The following MAP3K5 variants were observed in gnomAD, a reference collection of about 807,000 sequenced individuals.
MAP3K5 encodes the protein ASK-1.
In MAP3K5, 56 loss-of-function variants were observed where a neutral mutation model predicts 158.7. The ratio of observed to expected loss-of-function variants is 0.35; its 90% confidence interval spans 0.28 to 0.44. The LOEUF (loss-of-function observed/expected upper bound fraction) is 0.44, where lower values mean the gene tolerates loss of function less well. MAP3K5 is among the 20% of genes least tolerant of loss of function. The probability of loss-of-function intolerance (pLI) is 1.00; values close to 1 mark genes in which losing one functional copy is unlikely to be tolerated. For synonymous variants in MAP3K5, 579 were observed against 601.7 expected, an observed-to-expected ratio of 0.96 and a Z score of 0.55; for missense variants, 1,294 against 1,674.8, an observed-to-expected ratio of 0.77 and a Z score of 3.97.
In MAP3K5 at chr6:136,669,414, G is replaced by A. The variant is rs1779371078; in HGVS notation, c.1254-19C>T. The A allele has an allele frequency of 2.1e-6, 3 of 1,401,652 alleles. No individual in the cohort carries two copies. Among genetic ancestry groups the A allele is most frequent in the African/African-American group, 2.8e-5 (2 of 70,630 alleles). The allele number at this position is 1,401,652 out of a possible 1,614,324, so 86.8% of individuals were successfully genotyped here. A position where few individuals can be genotyped will look rare whatever the true frequency, so the allele number is the denominator to read the frequency against. ...TTTGAACCTATAAAAAACCACAAAT[G>A]TACAAGTTAACTTTCTCAATCATGA... On this transcript the variant is annotated intron_variant, in intron 7 of 29. Transcript: ENST00000359015.
intron 2 of MAP3K5, among the ~76,000 whole-genome samples, chr6:136,707,222 C>A (rs945313035): frequency 6.6e-6 from 1 of 152,186 alleles, no homozygotes; most frequent in African/African-American, 2.4e-5. Flanking sequence ...GGGACATGTA[C>A]ACATTTAATA....
At chr6:136,567,004 C>A (rs1774141947) in intron 26 of MAP3K5, among the ~76,000 whole-genome samples, 1 of 152,120 alleles carries the variant, frequency 6.6e-6, no homozygotes, top group Non-Finnish European at 1.5e-5. Flanking sequence ...AGCTATAAAT[C>A]ATAAAAATTC....
intron 7 of MAP3K5, among the ~76,000 whole-genome samples, chr6:136,692,235 C>T (rs565982415): frequency 1.9e-4 from 29 of 152,198 alleles, no homozygotes; most frequent in Middle Eastern, 3.4e-3. Context: ...GTGTATTAGA[C>T]ATTTTGGATG....
At chr6:136,775,811 G>T (rs1033498951) in intron 1 of MAP3K5, among the ~76,000 whole-genome samples, 4 of 152,164 alleles carry the variant, frequency 2.6e-5, no homozygotes, top group Non-Finnish European at 4.4e-5. Flanking sequence ...GTCACAACAC[G>T]GTGGCAACAG....
chr6:136,701,688 T>C (rs1432177451), intron 3 of MAP3K5, among the ~76,000 whole-genome samples: 1 of 152,156 alleles, frequency 6.6e-6, no homozygotes, highest in African/African-American at 2.4e-5. Flanking sequence ...ACTATGAGAA[T>C]TGTTCTAAAA....
At chr6:136,777,549 A>T (rs1422207508) in intron 1 of MAP3K5, among the ~76,000 whole-genome samples, 2 of 152,232 alleles carry the variant, frequency 1.3e-5, no homozygotes, top group Non-Finnish European at 2.9e-5. Flanking sequence ...GTCATGGAAG[A>T]ACTAACGCAC....
In MAP3K5 at chr6:136,557,174, A is replaced by G. The variant is rs549123381; in HGVS notation, c.*584T>C. ...TCAGTAGTACATAAACGACTCAAAC[A>G]AATGTACGACAGGTCAGAAACTTAA... On this transcript the variant is annotated 3_prime_UTR_variant, in exon 30 of 30. Coordinates refer to ENST00000359015, the MANE Select transcript of MAP3K5 (RefSeq NM_005923.4). 6.5e-6 allele frequency: 1 copy of G among 153,402 alleles called. No homozygotes were observed. The highest frequency in any genetic ancestry group is 2.4e-5 in the African/African-American group (1 of 41,586). The allele number at this position is 153,402 out of a possible 1,614,324, so 9.5% of individuals were successfully genotyped here.
intron 21 of MAP3K5, among the ~76,000 whole-genome samples, chr6:136,599,420 C>T (rs938309644): frequency 2.6e-5 from 4 of 152,134 alleles, no homozygotes; most frequent in Non-Finnish European, 5.9e-5. Flanking sequence ...GTCCATCTCA[C>T]GCTCACCCCA....
chr6:136,757,579 A>ATTTTTTTTTTTTT (rs776508913), intron 1 of MAP3K5, among the ~76,000 whole-genome samples: 17 of 111,962 alleles, frequency 1.5e-4, no homozygotes, highest in Non-Finnish European at 2.0e-4. Flanking sequence ...TTATTTATTT[A>ATTTTTTTTTTTTT]TTTTTTATTT....
intron 23 of MAP3K5, among the ~76,000 whole-genome samples, chr6:136,585,469 T>TTTCTTTCTTTCTTTCTTTC (rs150800306): frequency 4.6e-5 from 6 of 131,426 alleles, no homozygotes; most frequent in Non-Finnish European, 9.9e-5. Context: ...CTTTCTTTTC[T>TTTCTTTCTTTCTTTCTTTC]TTTCTTTATT....
chr6:136,659,132 C>A, intron 9 of MAP3K5, 87 bp downstream of exon 9: 2 of 1,155,510 alleles, frequency 1.7e-6, no homozygotes, highest in Non-Finnish European at 2.5e-6. Context: ...CAAATAAAAT[C>A]ATCTAATTGT....
chr6:136,661,865 T>A (rs1779021497), intron 8 of MAP3K5, among the ~76,000 whole-genome samples: 1 of 152,188 alleles, frequency 6.6e-6, no homozygotes, highest in Non-Finnish European at 1.5e-5. Flanking sequence ...AAATAAAATT[T>A]CAGATGCACT....
intron 12 of MAP3K5, among the ~76,000 whole-genome samples, chr6:136,642,030 AAAAAT>A (rs57982866): frequency 0.046 from 5,485 of 118,490 alleles, 276 homozygotes; most frequent in African/African-American, 0.12. Flanking sequence ...AAAATAAAAT[AAAAAT>A]AAAATAAAAT....
At chr6:136,575,928 A>G (rs867938711) in intron 25 of MAP3K5, among the ~76,000 whole-genome samples, 3 of 152,164 alleles carry the variant, frequency 2.0e-5, no homozygotes, top group African/African-American at 7.2e-5. Flanking sequence ...AACCATCCAC[A>G]TATATCCTGT....
chr6:136,737,004 T>C (rs1276075150), intron 1 of MAP3K5, among the ~76,000 whole-genome samples: 5 of 147,924 alleles, frequency 3.4e-5, no homozygotes, highest in African/African-American at 9.9e-5. Context: ...TTTTTTAATG[T>C]GACAAATTAA....
chr6:136,703,374 T>C (rs1212951470), intron 3 of MAP3K5, among the ~76,000 whole-genome samples: 3 of 152,220 alleles, frequency 2.0e-5, no homozygotes, highest in African/African-American at 7.2e-5. Context: ...ACTGACATAA[T>C]GGCTACCCTC....
intron 19 of MAP3K5, among the ~76,000 whole-genome samples, chr6:136,602,648 G>T (rs1275449806): frequency 6.6e-6 from 1 of 152,140 alleles, no homozygotes; most frequent in Admixed American, 6.5e-5. Context: ...TAAGTGCTGG[G>T]CATTGTGCTG....
chr6:136,682,333 T>C (rs1469505856), intron 7 of MAP3K5, among the ~76,000 whole-genome samples: 10 of 151,996 alleles, frequency 6.6e-5, no homozygotes, highest in Admixed American at 5.2e-4. Context: ...AGGAGGGTGG[T>C]AAAAATGAAG....
At chr6:136,561,672 C>A in intron 27 of MAP3K5, 27 bp from the exon 28 acceptor site, 1 of 1,306,876 alleles carries the variant, frequency 7.7e-7, no homozygotes, top group South Asian at 1.2e-5. Flanking sequence ...GGAAGATATT[C>A]TTAATTTCAC....
Sources: allele counts gnomAD v4.1 joint callset (sites outside exome capture counted in the v4.1 genomes callset), GRCh38; gene constraint gnomAD v4.1.1; transcripts MANE v1.5; gene names NCBI Gene and HGNC (gene_info 2026-07-23, HGNC 2026-07-21).